Variants in SNTB1 observed in about 807,000 individuals in gnomAD.
SNTB1 encodes the protein syntrophin beta 1.
A neutral mutation model predicts 48.9 loss-of-function variants in SNTB1; 36 were observed. That is an observed-to-expected ratio of 0.74 (90% CI 0.56 to 0.97). The LOEUF (loss-of-function observed/expected upper bound fraction) is 0.97, where lower values mean the gene tolerates loss of function less well. Ranked by LOEUF, SNTB1 falls within the 50% of genes least tolerant of loss-of-function variation. The probability of loss-of-function intolerance (pLI) is 0.00; values close to 1 mark genes in which losing one functional copy is unlikely to be tolerated. For synonymous variants in SNTB1, 299 were observed against 294.6 expected (o/e 1.01, Z -0.15); for missense variants, 786 against 703.4 (o/e 1.12, Z -1.33).
intron 1 of SNTB1, among the ~76,000 whole-genome samples, chr8:120,746,019 T>C (rs866920044): frequency 2.2e-4 from 33 of 152,204 alleles, no homozygotes; most frequent in African/African-American, 7.5e-4. Context: ...TAAAGTTTTA[T>C]TGGAACACAG....
intron 2 of SNTB1, among the ~76,000 whole-genome samples, chr8:120,659,684 T>C (rs1817558711): frequency 6.6e-6 from 1 of 152,240 alleles, no homozygotes. Flanking sequence ...ATGGCAGCTA[T>C]AGCCTTATGA....
intron 2 of SNTB1, among the ~76,000 whole-genome samples, chr8:120,669,645 G>A (rs1438486824): frequency 2.2e-5 from 2 of 90,500 alleles, no homozygotes; most frequent in Non-Finnish European, 3.8e-5. Flanking sequence ...GTAGAGACGG[G>A]GTTTCACCGT....
intron 3 of SNTB1, among the ~76,000 whole-genome samples, chr8:120,631,629 G>A (rs1816981784): frequency 6.6e-6 from 1 of 152,078 alleles, no homozygotes; most frequent in Non-Finnish European, 1.5e-5. Context: ...AACTTCAAGG[G>A]ACAGCAATCA....
At chr8:120,801,129 G>T (rs1190719552) in intron 1 of SNTB1, among the ~76,000 whole-genome samples, 2 of 151,838 alleles carry the variant, frequency 1.3e-5, no homozygotes, top group Non-Finnish European at 2.9e-5. Context: ...ATGAAGCAGA[G>T]AACAGAGGAA....
At chr8:120,791,282 T>C (rs10955989) in intron 1 of SNTB1, among the ~76,000 whole-genome samples, 29,707 of 151,860 alleles carry the variant, frequency 0.2, 3,205 homozygotes, top group Middle Eastern at 0.26. Flanking sequence ...TTTCTCACCA[T>C]ATACAAAAAT....
At chr8:120,763,428 G>C (rs1443496362) in intron 1 of SNTB1, among the ~76,000 whole-genome samples, 1 of 152,178 alleles carries the variant, frequency 6.6e-6, no homozygotes, top group Non-Finnish European at 1.5e-5. Flanking sequence ...CTTGTAGCTT[G>C]TAGTTACACT....
intron 1 of SNTB1, among the ~76,000 whole-genome samples, chr8:120,797,884 C>T (rs1820148320): frequency 6.6e-6 from 1 of 151,922 alleles, no homozygotes. Context: ...GGTCACAAAG[C>T]TGGTTTGTAC....
At chr8:120,632,978 T>G (rs567921496) in intron 2 of SNTB1, among the ~76,000 whole-genome samples, 1 of 152,350 alleles carries the variant, frequency 6.6e-6, no homozygotes, top group African/African-American at 2.4e-5. Flanking sequence ...TGTGAGCTGA[T>G]ACTAATTTGC....
At chr8:120,786,083 C>A (rs934263672) in intron 1 of SNTB1, among the ~76,000 whole-genome samples, 1 of 152,200 alleles carries the variant, frequency 6.6e-6, no homozygotes, top group Non-Finnish European at 1.5e-5. Context: ...TGACGCAGTA[C>A]CTGCTGCTGG....
intron 4 of SNTB1, among the ~76,000 whole-genome samples, chr8:120,567,416 CT>C (rs10699484): frequency 4.2e-4 from 57 of 134,638 alleles, no homozygotes; most frequent in Non-Finnish European, 4.7e-4. Flanking sequence ...GGTTGAGCTC[CT>C]TTTTTTTTTT....
chr8:120,552,882 C>T (rs745848339), intron 4 of SNTB1, among the ~76,000 whole-genome samples: 8 of 152,196 alleles, frequency 5.3e-5, no homozygotes, highest in Non-Finnish European at 1.2e-4. Flanking sequence ...TTTACTGCAA[C>T]TAGATGGTCC....
intron 3 of SNTB1, among the ~76,000 whole-genome samples, chr8:120,626,608 T>G (rs906666325): frequency 6.6e-6 from 1 of 152,158 alleles, no homozygotes; most frequent in African/African-American, 2.4e-5. Flanking sequence ...TAACTTATAA[T>G]ATAGAACAAG....
At chr8:120,667,268 C>T (rs557453602) in intron 2 of SNTB1, among the ~76,000 whole-genome samples, 2 of 152,242 alleles carry the variant, frequency 1.3e-5, no homozygotes, top group East Asian at 1.9e-4. Context: ...CTACAGCTGG[C>T]TCTAGTGTGC....
At chr8:120,575,931 G>A (rs1815943476) in intron 3 of SNTB1, among the ~76,000 whole-genome samples, 1 of 152,152 alleles carries the variant, frequency 6.6e-6, no homozygotes, top group Non-Finnish European at 1.5e-5. Flanking sequence ...TATCTCATGA[G>A]CCATCCCCTT....
intron 1 of SNTB1, among the ~76,000 whole-genome samples, chr8:120,758,412 A>G (rs1157411115): frequency 6.6e-6 from 1 of 152,162 alleles, no homozygotes; most frequent in Non-Finnish European, 1.5e-5. Context: ...CATTAAGGTG[A>G]CTTTACATTG....
intron 3 of SNTB1, among the ~76,000 whole-genome samples, chr8:120,605,865 C>T (rs960814196): frequency 1.3e-5 from 2 of 152,090 alleles, no homozygotes; most frequent in African/African-American, 4.8e-5. Flanking sequence ...GTGCCCCCTT[C>T]TGGGAAAATG....
At chr8:120,565,185 G>T (rs1429551183) in intron 4 of SNTB1, among the ~76,000 whole-genome samples, 1 of 152,110 alleles carries the variant, frequency 6.6e-6, no homozygotes, top group African/African-American at 2.4e-5. Flanking sequence ...CAAATTTTCA[G>T]TGTGATGGAG....
At chr8:120,794,724 T>G (rs1453702034) in intron 1 of SNTB1, among the ~76,000 whole-genome samples, 1 of 152,048 alleles carries the variant, frequency 6.6e-6, no homozygotes, top group Non-Finnish European at 1.5e-5. Flanking sequence ...CCTTATCCTT[T>G]TGCCCCATTT....
intron 2 of SNTB1, among the ~76,000 whole-genome samples, chr8:120,666,184 T>C (rs546963566): frequency 3.3e-5 from 5 of 152,234 alleles, no homozygotes; most frequent in Non-Finnish European, 5.9e-5. Context: ...AGTTATTCCT[T>C]TCCGCAGATA....
Sources: gnomAD v4.1 joint callset for allele counts (sites outside exome capture counted in the v4.1 genomes callset) on GRCh38, gnomAD v4.1.1 for gene constraint, MANE v1.5 for transcripts, NCBI Gene and HGNC (gene_info 2026-07-23, HGNC 2026-07-21) for gene names.